Variants in ZIC1 observed in about 807,000 individuals in gnomAD.
ZIC1 encodes Zic family zinc finger 1, also known as zinc finger protein ZIC 1.
ZIC1 carries 4 observed loss-of-function variants against 30.9 expected under a neutral mutation model. The observed-to-expected ratio is 0.13, with a 90% CI of 0.06 to 0.30. ZIC1 has a LOEUF of 0.30. Ranked by LOEUF, ZIC1 falls within the 10% of genes least tolerant of loss-of-function variation. The pLI is 1.00. For synonymous variants in ZIC1, 305 were observed against 277.5 expected, an observed-to-expected ratio of 1.10 and a Z score of -0.98; for missense variants, 441 against 639.3, an observed-to-expected ratio of 0.69 and a Z score of 3.34.
chr3:147,409,478 G>A lies in ZIC1; in HGVS notation c.-635G>A, dbSNP rs997171307. ...AACCGCAAAAGACAATATTGTGCAT[G>A]ATTTGCGCCTTTTCTTTGGCTTTTT... On this transcript the variant is annotated 5_prime_UTR_variant, in exon 1 of 3. It removes an upstream start codon present in the reference 5' UTR. Coordinates refer to ENST00000282928, the MANE Select transcript of ZIC1 (RefSeq NM_003412.4). 6.6e-6 allele frequency: 1 copy of A among 152,228 alleles called. No homozygotes were observed. The highest frequency in any genetic ancestry group is 2.4e-5 in the African/African-American group (1 of 41,312). 9.4% of individuals were successfully genotyped at this position (152,228 alleles called of 1,614,324 possible).
chr3:147,411,132 T>C (rs781415413), intron 1 of ZIC1, 38 bp downstream of exon 1: 15 of 1,576,798 alleles, frequency 9.5e-6, no homozygotes, highest in Admixed American at 3.6e-5. Context: ...CCATTCCCAC[T>C]TGGGCCTGGG....
intron 1 of ZIC1, among the ~76,000 whole-genome samples, chr3:147,411,599 G>C (rs1227535294): frequency 6.6e-6 from 1 of 152,180 alleles, no homozygotes; most frequent in African/African-American, 2.4e-5. Context: ...TTGAGACAGA[G>C]TGGGGAAAGG....
At position 147,414,042 on chromosome 3, in the gene ZIC1, G is replaced by GGGGGGA. The variant is rs1172738192; in HGVS notation, c.*508_*513dup. On this transcript the variant is annotated 3_prime_UTR_variant, in exon 3 of 3. Transcript: ENST00000282928. ...GGGAGGGGGGAGGGACCGGATGGGC[G>GGGGGGA]GGGGGAGGGGGAGGGGGAGGGGTGG... The GGGGGGA allele has an allele frequency of 4.3e-4, 56 of 130,770 alleles. No homozygotes were observed. Among genetic ancestry groups the GGGGGGA allele is most frequent in the Non-Finnish European group, 7.7e-4 (47 of 60,838 alleles). 8.1% of individuals were successfully genotyped at this position (130,770 alleles called of 1,614,324 possible).
chr3:147,410,904 G>A lies in ZIC1; in HGVS notation c.792G>A (p.Pro264=), dbSNP rs763617534. 4.3e-6 allele frequency: 7 copies of A among 1,614,286 alleles called. No individual in the cohort carries two copies. Among genetic ancestry groups the A allele is most frequent in the Admixed American group, 1.7e-5 (1 of 60,036 alleles). ...TCACCGTGGAGCACGTAGGTGGCCC[G>A]GAGCAGAGTAATCACATCTGCTTCT... ...THVTVEHVGG[P]EQSNHICFWE... Residue 264 remains proline (P), a synonymous_variant, in exon 1 of 3, where the codon CCG becomes CCA. Transcript: ENST00000282928.
Position 147,410,687 on chromosome 3 carries a change from C to G in ZIC1, c.575C>G (p.Pro192Arg). The G allele has an allele frequency of 6.2e-7, 1 of 1,613,944 alleles. No individual in the cohort carries two copies. The highest frequency in any genetic ancestry group is 8.5e-7 in the Non-Finnish European group (1 of 1,179,950). ...CCGCGTTCGGAGCACTATGCTGCGC[C>G]GCAGCTGCACGGCTACGGGCCCATG... ...TSPRSEHYAA[P>R]QLHGYGPMNV... Residue 192 changes from proline to arginine, a missense_variant, in exon 1 of 3, where the codon CCG becomes CGG. This residue lies in a region of ZIC1 where 307 missense variants were observed against 355.3 expected (regional missense o/e 0.86). Transcript: ENST00000282928.
chr3:147,411,282 C>T (rs1394764979), intron 1 of ZIC1, among the ~76,000 whole-genome samples, 188 bp downstream of exon 1: 1 of 152,176 alleles, frequency 6.6e-6, no homozygotes, highest in African/African-American at 2.4e-5. Context: ...CACACACACA[C>T]ACACAGGGCG....
chr3:147,411,048 C>A lies in ZIC1; in HGVS notation c.936C>A (p.Val312=). 6 of 1,614,140 alleles carry A rather than the reference C, an allele frequency of 3.7e-6. No homozygotes were observed. In the South Asian group the frequency reaches 6.6e-5, roughly 18 times the overall value. The part of the protein sequence containing the change: ...FPCPFPGCGK[V]FARSENLKIH... ...GCCCCTTCCCTGGCTGTGGCAAGGTCTTCGCGCGCTCCGAGAATTTAAAGA... is the reference window on the plus strand; with the variant it reads ...GCCCCTTCCCTGGCTGTGGCAAGGTATTCGCGCGCTCCGAGAATTTAAAGA... The change falls in exon 1 of 3, where the codon GTC becomes GTA. Residue 312 remains valine, a synonymous_variant. Transcript: ENST00000282928.
At position 147,412,698 on chromosome 3, in the gene ZIC1, C is replaced by G. The variant is rs772815134; in HGVS notation, c.1146+17C>G. 1 of 1,601,070 alleles carries G rather than the reference C, an allele frequency of 6.2e-7. No individual in the cohort carries two copies. ...CACATGAAGGTAATCGCCGCACTCT[C>G]GTCGCCCCCTTTGAGGCAGGAGCTC... On this transcript the variant is annotated intron_variant, in intron 2 of 2. Coordinates refer to ENST00000282928, the MANE Select transcript of ZIC1 (RefSeq NM_003412.4).
chr3:147,415,920 C>G lies in ZIC1; in HGVS notation c.*2369C>G, dbSNP rs1211147128. On this transcript the variant is annotated 3_prime_UTR_variant, in exon 3 of 3. Coordinates refer to ENST00000282928, the MANE Select transcript of ZIC1 (RefSeq NM_003412.4). ...TTTGCTGAGGAAGGACTTTGCTGCACTTACTGTACCACATCAAACACTGGG... is the reference window on the plus strand; with the variant it reads ...TTTGCTGAGGAAGGACTTTGCTGCAGTTACTGTACCACATCAAACACTGGG... 3.3e-5 allele frequency: 5 copies of G among 152,170 alleles called. No individual in the cohort carries two copies. The highest frequency in any genetic ancestry group is 3.3e-4 in the Admixed American group (5 of 15,284). The allele number at this position is 152,170 out of a possible 1,614,324, so 9.4% of individuals were successfully genotyped here. A position where few individuals can be genotyped will look rare whatever the true frequency, so the allele number is the denominator to read the frequency against.
In ZIC1 at chr3:147,413,662, G is replaced by A. The variant is rs2087403614; in HGVS notation, c.*111G>A. ...TCAAAACAACCCCCACACAGACCCC[G>A]CAATCCTTTTTTAAAAAATCTGCCA... On this transcript the variant is annotated 3_prime_UTR_variant, in exon 3 of 3. Coordinates refer to ENST00000282928, the MANE Select transcript of ZIC1 (RefSeq NM_003412.4). The A allele has an allele frequency of 2.4e-6, 3 of 1,259,812 alleles. No homozygotes were observed. Among genetic ancestry groups the A allele is most frequent in the South Asian group, 1.7e-5 (1 of 58,542 alleles). 78.0% of individuals were successfully genotyped at this position (1,259,812 alleles called of 1,614,324 possible).
In ZIC1 at chr3:147,413,742, G is replaced by A; in HGVS notation, c.*191G>A. On this transcript the variant is annotated 3_prime_UTR_variant, in exon 3 of 3. Coordinates refer to ENST00000282928, the MANE Select transcript of ZIC1 (RefSeq NM_003412.4). Reference sequence around the variant, plus strand: ...ATCAACCTTTTAAAAATTTCCTTTCGCTTTCATTATTTTTCTTTTTTTGGC... The same window carrying A: ...ATCAACCTTTTAAAAATTTCCTTTCACTTTCATTATTTTTCTTTTTTTGGC... The A allele has an allele frequency of 1.5e-6, 1 of 659,922 alleles. No homozygotes were observed. The highest frequency in any genetic ancestry group is 2.2e-6 in the Non-Finnish European group (1 of 445,012). 40.9% of individuals were successfully genotyped at this position (659,922 alleles called of 1,614,324 possible).
intron 2 of ZIC1, 83 bp downstream of exon 2, chr3:147,412,764 A>G (rs1185111682): frequency 6.5e-7 from 1 of 1,532,468 alleles, no homozygotes; most frequent in South Asian, 1.2e-5. Flanking sequence ...AGTGGCAGAC[A>G]GGCGGTGGCG....
intron 1 of ZIC1, 22 bp downstream of exon 1, chr3:147,411,116 C>G: frequency 6.3e-7 from 1 of 1,596,220 alleles, no homozygotes; most frequent in South Asian, 1.1e-5. Context: ...GCTGTAGGAC[C>G]CCTACCCATT....
chr3:147,416,559 G>T lies in ZIC1; in HGVS notation c.*3008G>T, dbSNP rs540830416. On this transcript the variant is annotated 3_prime_UTR_variant, in exon 3 of 3. Coordinates refer to ENST00000282928, the MANE Select transcript of ZIC1 (RefSeq NM_003412.4). ...AGGATATTTTAAAGATAAATTTTAGGGGTAAATGTTTACTTCAAAATGACT... is the reference window on the plus strand; with the variant it reads ...AGGATATTTTAAAGATAAATTTTAGTGGTAAATGTTTACTTCAAAATGACT... 3.3e-5 allele frequency: 5 copies of T among 152,224 alleles called. No homozygotes were observed. Among genetic ancestry groups the T allele is most frequent in the Non-Finnish European group, 5.9e-5 (4 of 67,998 alleles). The allele number at this position is 152,224 out of a possible 1,614,324, so 9.4% of individuals were successfully genotyped here.
rs1458736792 is a variant in ZIC1 at position 147,414,461 on chromosome 3, A to G, written c.*910A>G. On this transcript the variant is annotated 3_prime_UTR_variant, in exon 3 of 3. Coordinates refer to ENST00000282928, the MANE Select transcript of ZIC1 (RefSeq NM_003412.4). ...TGTAAAGGGCCGGTTTATCCATGTT[A>G]CAGCTCTTCAATATTTATGGCTAGA... 6.6e-6 allele frequency: 1 copy of G among 152,650 alleles called. No individual in the cohort carries two copies. Among genetic ancestry groups the G allele is most frequent in the Admixed American group, 6.5e-5 (1 of 15,290 alleles). 9.5% of individuals were successfully genotyped at this position (152,650 alleles called of 1,614,324 possible).
intron 1 of ZIC1, among the ~76,000 whole-genome samples, chr3:147,411,421 A>C (rs1193162583): frequency 6.6e-6 from 1 of 152,212 alleles, no homozygotes; most frequent in African/African-American, 2.4e-5. Context: ...GGCTCCCGGC[A>C]GCCGCGGAGG....
chr3:147,410,071 G>T lies in ZIC1; in HGVS notation c.-42G>T, dbSNP rs756452709. ...TTTTCCCTCCTCGGCTGGCGAGGGT[G>T]GGGGGGGCGGGGGAGGCCGGGGCTC... On this transcript the variant is annotated 5_prime_UTR_variant, in exon 1 of 3. Transcript: ENST00000282928. 16 of 1,422,130 alleles carry T rather than the reference G, an allele frequency of 1.1e-5. No individual in the cohort carries two copies. Among genetic ancestry groups the T allele is most frequent in the East Asian group, 1.1e-4 (4 of 36,522 alleles). 88.1% of individuals were successfully genotyped at this position (1,422,130 alleles called of 1,614,324 possible).
rs2087404504 is a variant in ZIC1 at position 147,413,736 on chromosome 3, C to A, written c.*185C>A. 1 of 673,626 alleles carries A rather than the reference C, an allele frequency of 1.5e-6. No homozygotes were observed. Among genetic ancestry groups the A allele is most frequent in the Non-Finnish European group, 2.2e-6 (1 of 456,440 alleles). 41.7% of individuals were successfully genotyped at this position (673,626 alleles called of 1,614,324 possible). A position where few individuals can be genotyped will look rare whatever the true frequency, so the allele number is the denominator to read the frequency against. ...GGAAGCATCAACCTTTTAAAAATTT[C>A]CTTTCGCTTTCATTATTTTTCTTTT... On this transcript the variant is annotated 3_prime_UTR_variant, in exon 3 of 3. Coordinates refer to ENST00000282928, the MANE Select transcript of ZIC1 (RefSeq NM_003412.4).
intron 1 of ZIC1, 58 bp downstream of exon 1, chr3:147,411,152 G>T: frequency 6.5e-7 from 1 of 1,544,644 alleles, no homozygotes. Flanking sequence ...GACCCAAACC[G>T]AAAGTCAGCG....
Sources: allele counts gnomAD v4.1 joint callset (sites outside exome capture counted in the v4.1 genomes callset), GRCh38; gene constraint gnomAD v4.1.1; regional missense constraint gnomAD v4.1.1; transcripts MANE v1.5; gene names NCBI Gene and HGNC (gene_info 2026-07-23, HGNC 2026-07-21).